The following OR1J2 variants were observed in gnomAD, a reference collection of about 807,000 sequenced individuals.
OR1J2 encodes the protein olfactory receptor family 1 subfamily J member 2, also known as olfactory receptor 1J2.
For synonymous variants in OR1J2, 142 were observed against 99.7 expected, an observed-to-expected ratio of 1.42 and a Z score of -2.52; for missense variants, 304 against 246.1, an observed-to-expected ratio of 1.24 and a Z score of -1.57.
At chr9:122,477,413 G>T in the OR1J2 span, 2 of 1,613,944 alleles carry the variant, frequency 1.2e-6, no homozygotes, top group Admixed American at 3.3e-5. Context: ...GGGATGATGT[G>T]GTCAGCACAG....
At chr9:122,576,154 C>G in the OR1J2 span, among the ~76,000 whole-genome samples, 1 of 152,158 alleles carries the variant, frequency 6.6e-6, no homozygotes, top group Non-Finnish European at 1.5e-5. Context: ...TTGCTGTTGA[C>G]TTGTAAGAGT....
chr9:122,533,158 A>T, the OR1J2 span, among the ~76,000 whole-genome samples: 8 of 152,084 alleles, frequency 5.3e-5, no homozygotes, highest in African/African-American at 1.9e-4. Context: ...AGAGGGAGGT[A>T]TTGAGGATAG....
At chr9:122,526,523 G>A in the OR1J2 span, 5 of 1,601,902 alleles carry the variant, frequency 3.1e-6, no homozygotes, top group Non-Finnish European at 4.3e-6. Context: ...GAGGACACAG[G>A]TAGGCACTGA....
chr9:122,469,500 AGTCTT>A, the OR1J2 span, among the ~76,000 whole-genome samples: 1 of 152,106 alleles, frequency 6.6e-6, no homozygotes. Context: ...TTTTCTTCCG[AGTCTT>A]GGGTATATGT....
the OR1J2 span, chr9:122,477,157 C>T: frequency 6.2e-7 from 1 of 1,614,072 alleles, no homozygotes; most frequent in South Asian, 1.1e-5. Flanking sequence ...AAAATAGAGA[C>T]CAATAATTGT....
the OR1J2 span, among the ~76,000 whole-genome samples, chr9:122,455,723 A>AT: frequency 0.017 from 2,606 of 151,986 alleles, 31 homozygotes; most frequent in East Asian, 0.071. Context: ...CGTTCACTTT[A>AT]TTTTTTTCTT....
At chr9:122,544,415 C>CTTTT in the OR1J2 span, among the ~76,000 whole-genome samples, 26 of 85,330 alleles carry the variant, frequency 3.0e-4, no homozygotes, top group Middle Eastern at 8.9e-3. Context: ...CCTCTTTTTT[C>CTTTT]TTTTTTTTTT....
At chr9:122,554,232 A>T in the OR1J2 span, 1 of 1,198,364 alleles carries the variant, frequency 8.3e-7, no homozygotes, top group Non-Finnish European at 1.2e-6. Context: ...CAGTAATTCT[A>T]CTACTGTCAT....
chr9:122,544,416 T>C, the OR1J2 span, among the ~76,000 whole-genome samples: 7 of 24,824 alleles, frequency 2.8e-4, no homozygotes, highest in Admixed American at 3.6e-4. Context: ...CTCTTTTTTC[T>C]TTTTTTTTTT....
At chr9:122,552,924 T>C in the OR1J2 span, among the ~76,000 whole-genome samples, 1 of 152,102 alleles carries the variant, frequency 6.6e-6, no homozygotes, top group East Asian at 1.9e-4. Context: ...CCCATGCCAA[T>C]TTCTCTGGTC....
chr9:122,568,584 C>T, the OR1J2 span: 1 of 682,696 alleles, frequency 1.5e-6, no homozygotes, highest in South Asian at 2.0e-5. Flanking sequence ...TGTTTGGTCA[C>T]AATTAGCTAC....
the OR1J2 span, among the ~76,000 whole-genome samples, chr9:122,521,348 G>A: frequency 2.0e-5 from 3 of 152,302 alleles, no homozygotes; most frequent in South Asian, 6.2e-4. Context: ...CTAGGACACA[G>A]CAACATATCT....
the OR1J2 span, among the ~76,000 whole-genome samples, chr9:122,498,048 G>A: frequency 7.1e-6 from 1 of 140,378 alleles, no homozygotes; most frequent in Non-Finnish European, 1.5e-5. Context: ...GCATATGATT[G>A]GCATGATTTG....
the OR1J2 span, among the ~76,000 whole-genome samples, chr9:122,527,814 T>G: frequency 1.3e-5 from 2 of 152,236 alleles, no homozygotes; most frequent in Non-Finnish European, 2.9e-5. Flanking sequence ...GTTTTTGTCA[T>G]TGGCATCATC....
the OR1J2 span, chr9:122,527,428 G>A: frequency 0.047 from 28,301 of 607,264 alleles, 843 homozygotes; most frequent in Middle Eastern, 0.069. Flanking sequence ...TTCTGATCCT[G>A]CTTCTTTTCT....
chr9:122,542,220 C>A, the OR1J2 span, among the ~76,000 whole-genome samples: 1 of 152,088 alleles, frequency 6.6e-6, no homozygotes, highest in Non-Finnish European at 1.5e-5. Flanking sequence ...ATAGTTTATT[C>A]AATTCTCTGT....
downstream of OR1J2, among the ~76,000 whole-genome samples, chr9:122,514,808 G>A (rs186847626): frequency 2.1e-4 from 32 of 152,042 alleles, no homozygotes; most frequent in Non-Finnish European, 4.1e-4. Flanking sequence ...TCTCTTTTTG[G>A]ACTTAAATTC....
the OR1J2 span, among the ~76,000 whole-genome samples, chr9:122,468,156 A>G: frequency 6.6e-6 from 1 of 152,196 alleles, no homozygotes; most frequent in Non-Finnish European, 1.5e-5. Flanking sequence ...GACAGTGTAT[A>G]CCTATTAAAG....
At chr9:122,561,428 T>C in the OR1J2 span, among the ~76,000 whole-genome samples, 1 of 152,150 alleles carries the variant, frequency 6.6e-6, no homozygotes, top group Non-Finnish European at 1.5e-5. Flanking sequence ...CTCTGGCCTT[T>C]TGGATTTTCA....
Sources: allele counts gnomAD v4.1 joint callset (sites outside exome capture counted in the v4.1 genomes callset), GRCh38; gene constraint gnomAD v4.1.1; transcripts MANE v1.5; gene names NCBI Gene and HGNC (gene_info 2026-07-23, HGNC 2026-07-21).